Variants in NEK11 observed in about 807,000 individuals in gnomAD.
NEK11 encodes the protein serine/threonine-protein kinase Nek11.
In NEK11, 72 loss-of-function variants were observed where a neutral mutation model predicts 80.7. That is an observed-to-expected ratio of 0.89 (90% CI 0.74 to 1.08). The LOEUF is 1.08. Among genes scored for constraint, NEK11 ranks in the 50% least tolerant of loss-of-function variants. The probability of loss-of-function intolerance (pLI) is 0.00; values close to 1 mark genes in which losing one functional copy is unlikely to be tolerated. For missense variants in NEK11, 764 were observed against 763.6 expected (o/e 1.00, Z -0.01); for synonymous variants, 251 against 260.7 (o/e 0.96, Z 0.36).
chr3:131,056,215 G>A (rs936341657), intron 3 of NEK11, among the ~76,000 whole-genome samples: 2 of 152,298 alleles, frequency 1.3e-5, no homozygotes, highest in African/African-American at 4.8e-5. Context: ...CTCTGCTGAA[G>A]AGATTTCACA....
intron 14 of NEK11, among the ~76,000 whole-genome samples, chr3:131,196,895 G>T (rs1349328179): frequency 6.7e-6 from 1 of 149,516 alleles, no homozygotes; most frequent in Non-Finnish European, 1.5e-5. Flanking sequence ...GAAATAGAGT[G>T]AAAACAGAGC....
In NEK11 at chr3:131,278,663, G is replaced by C. The variant is rs531542816; in HGVS notation, c.1718+5089G>C. 5.3e-5 allele frequency among the ~76,000 whole-genome samples: 8 copies of C among 152,264 alleles called. No homozygotes were observed. In the East Asian group the frequency reaches 1.5e-3, roughly 29 times the overall value. Reference sequence around the variant, plus strand: ...GACCCTGTGGAATGACGGCTCGTCAGCTTTCAGCTCTGAGGAGGGCAAGGG... The same window carrying C: ...GACCCTGTGGAATGACGGCTCGTCACCTTTCAGCTCTGAGGAGGGCAAGGG... On this transcript the variant is annotated intron_variant, in intron 17 of 17. Transcript: ENST00000383366.
At chr3:131,140,302 T>C (rs1033139129) in intron 7 of NEK11, among the ~76,000 whole-genome samples, 3 of 152,250 alleles carry the variant, frequency 2.0e-5, no homozygotes, top group South Asian at 2.1e-4. Context: ...GAGACCAACA[T>C]GGAGAGGGCC....
At chr3:131,321,750 A>G (rs1046374758) in intron 17 of NEK11, among the ~76,000 whole-genome samples, 1 of 152,226 alleles carries the variant, frequency 6.6e-6, no homozygotes, top group Non-Finnish European at 1.5e-5. Context: ...GCTCAACATC[A>G]CTAAATATCA....
At chr3:131,130,161 A>G (rs570473431) in intron 5 of NEK11, among the ~76,000 whole-genome samples, 2 of 152,124 alleles carry the variant, frequency 1.3e-5, no homozygotes, top group Non-Finnish European at 2.9e-5. Flanking sequence ...ATTTTATTAG[A>G]TTTATACCTA....
chr3:131,132,998 A>G (rs942380748), intron 6 of NEK11, among the ~76,000 whole-genome samples, 189 bp downstream of exon 6: 1 of 152,074 alleles, frequency 6.6e-6, no homozygotes, highest in East Asian at 1.9e-4. Flanking sequence ...GATGGGCCCA[A>G]CAAAACCTAA....
rs774609802 is a variant in NEK11 at position 131,228,532 on chromosome 3, C to G, written c.1404C>G (p.Ile468Met). 5 of 1,603,534 alleles carry G rather than the reference C, an allele frequency of 3.1e-6. No individual in the cohort carries two copies. In the East Asian group the frequency reaches 1.1e-4, roughly 36 times the overall value. ...ACTGTTTGTTCATTATTTCAGAGAT[C>G]CCAGAAGACCCACTTGTGGCTGAAG... ...DATSDLGYHE[I>M]PEDPLVAEEY... is the part of the protein sequence containing the mutation. The change falls in exon 15 of 18, where the codon ATC becomes ATG. Residue 468 changes from isoleucine to methionine, a missense_variant. By Grantham distance (10) the Ile-to-Met change is conservative. Coordinates refer to ENST00000383366, the MANE Select transcript of NEK11 (RefSeq NM_024800.5).
chr3:131,344,736 G>A (rs2097336197), intron 17 of NEK11, among the ~76,000 whole-genome samples: 1 of 152,164 alleles, frequency 6.6e-6, no homozygotes, highest in Admixed American at 6.5e-5. Context: ...AGGGGAAGTG[G>A]GAGCAGGCAT....
At chr3:131,100,024 C>T (rs2078128902) in intron 4 of NEK11, among the ~76,000 whole-genome samples, 3 of 152,252 alleles carry the variant, frequency 2.0e-5, no homozygotes, top group Non-Finnish European at 2.9e-5. Flanking sequence ...AGTGGGCACC[C>T]TCATCTTGTT....
chr3:131,270,561 T>G (rs1424985450), intron 16 of NEK11, among the ~76,000 whole-genome samples: 1 of 152,242 alleles, frequency 6.6e-6, no homozygotes, highest in Non-Finnish European at 1.5e-5. Context: ...GAATTGTCCT[T>G]TTCTTTGACA....
chr3:131,223,876 A>AT (rs1485045521), intron 14 of NEK11, among the ~76,000 whole-genome samples: 16 of 152,280 alleles, frequency 1.1e-4, no homozygotes, highest in Admixed American at 3.9e-4. Flanking sequence ...CATATTGCCC[A>AT]TTTCAGTTGG....
At chr3:131,344,332 A>G (rs775740508) in intron 17 of NEK11, among the ~76,000 whole-genome samples, 7 of 152,168 alleles carry the variant, frequency 4.6e-5, no homozygotes, top group Non-Finnish European at 1.0e-4. Flanking sequence ...TAAGTTCCTC[A>G]TTTCCATCTG....
rs149512231 is a variant in NEK11, at chr3:131,142,066, G to T, written c.647+8110G>T. On this transcript the variant is annotated intron_variant, in intron 7 of 17. Coordinates refer to ENST00000383366, the MANE Select transcript of NEK11 (RefSeq NM_024800.5). ...GAGTTTCTGCTCCAGTTGCAGTCCT[G>T]CTCTGATCCATAGTTTTCCCAGTTC... Among the ~76,000 whole-genome samples, 653 of 152,294 alleles carry T rather than the reference G, an allele frequency of 4.3e-3. 4 individuals are homozygous for T. The highest frequency in any genetic ancestry group is 0.014 in the Middle Eastern group (4 of 294).
At chr3:131,174,033 AT>A (rs2092854279) in intron 14 of NEK11, among the ~76,000 whole-genome samples, 1 of 152,190 alleles carries the variant, frequency 6.6e-6, no homozygotes, top group East Asian at 1.9e-4. Context: ...CTGTCTGTAA[AT>A]TCATACCTTC....
chr3:131,115,711 T>A (rs931659282), intron 5 of NEK11, among the ~76,000 whole-genome samples: 1 of 152,120 alleles, frequency 6.6e-6, no homozygotes, highest in Non-Finnish European at 1.5e-5. Flanking sequence ...CAGAGCAGCC[T>A]CTCTGCAGAG....
chr3:131,047,064 C>T (rs2067510625), intron 3 of NEK11, among the ~76,000 whole-genome samples: 1 of 152,098 alleles, frequency 6.6e-6, no homozygotes, highest in Admixed American at 6.5e-5. Context: ...TTTTCTTCTA[C>T]TTGTCGATTC....
rs1310047159 is a variant in NEK11, at chr3:131,341,357, A to G, written c.1719-8200A>G. On this transcript the variant is annotated intron_variant, in intron 17 of 17. Coordinates refer to ENST00000383366, the MANE Select transcript of NEK11 (RefSeq NM_024800.5). ...TAAATGTTTAATCTTTATTTTTATT[A>G]CAGATTTCTAACAATTTTATTGTGG... Among the ~76,000 whole-genome samples the G allele has an allele frequency of 2.6e-5, 4 of 152,180 alleles. No individual in the cohort carries two copies. In the South Asian group the frequency reaches 8.3e-4, roughly 32 times the overall value.
intron 12 of NEK11, among the ~76,000 whole-genome samples, chr3:131,168,523 A>AT (rs1269814070): frequency 6.6e-6 from 1 of 150,554 alleles, no homozygotes; most frequent in Admixed American, 6.6e-5. Flanking sequence ...CGCCCGGCTA[A>AT]TTTTTTGTAT....
At chr3:131,298,496 C>G (rs1394013393) in intron 17 of NEK11, among the ~76,000 whole-genome samples, 2 of 152,160 alleles carry the variant, frequency 1.3e-5, no homozygotes, top group African/African-American at 4.8e-5. Context: ...TGATAAGCAA[C>G]TTCAGCAAAG....
Sources: gnomAD v4.1 joint callset for allele counts (sites outside exome capture counted in the v4.1 genomes callset) on GRCh38, gnomAD v4.1.1 for gene constraint, MANE v1.5 for transcripts, NCBI Gene and HGNC (gene_info 2026-07-23, HGNC 2026-07-21) for gene names.